CCZ1: variants seen among roughly 807,000 people sequenced by gnomAD.
The protein encoded by CCZ1 is CCZ1 vacuolar protein trafficking and biogenesis associated, also known as vacuolar fusion protein CCZ1 homolog.
Under a neutral mutation model 57.8 loss-of-function variants are expected in CCZ1, and 19 were observed. The observed-to-expected ratio is 0.33, with a 90% CI of 0.23 to 0.48. CCZ1 has a LOEUF of 0.48. Ranked by LOEUF, CCZ1 falls within the 20% of genes least tolerant of loss-of-function variation. The probability of loss-of-function intolerance (pLI) is 0.99; values close to 1 mark genes in which losing one functional copy is unlikely to be tolerated. For synonymous variants in CCZ1, 81 were observed against 167.0 expected (o/e 0.49, Z 3.97); for missense variants, 200 against 492.0 (o/e 0.41, Z 5.61).
At chr7:5,901,917 T>C in intron 5 of CCZ1, 3 of 505,274 alleles carry the variant, frequency 5.9e-6, no homozygotes, top group Admixed American at 3.3e-5. Context: ...CTCAGCCTTA[T>C]AGTAGGAATG....
In CCZ1 at chr7:5,901,833, A is replaced by G. The variant is rs916896994; in HGVS notation, c.438+129A>G. On this transcript the variant is annotated intron_variant, in intron 5 of 14. Coordinates refer to ENST00000325974, the MANE Select transcript of CCZ1 (RefSeq NM_015622.6). ...CTGTATTTGTCTTAGAGAAGAAAATAATGAGGCCTTTGAAACAGGTAGTGA... is the reference window on the plus strand; with the variant it reads ...CTGTATTTGTCTTAGAGAAGAAAATGATGAGGCCTTTGAAACAGGTAGTGA... The G allele has an allele frequency of 3.2e-5, 35 of 1,082,782 alleles. 1 individual carries two copies. The African/African-American group carries it at 5.5e-4, about 17-fold the overall frequency. 67.1% of individuals were successfully genotyped at this position (1,082,782 alleles called of 1,614,324 possible).
intron 6 of CCZ1, among the ~76,000 whole-genome samples, chr7:5,903,927 G>A (rs1473228230): frequency 7.1e-6 from 1 of 141,776 alleles, no homozygotes; most frequent in Non-Finnish European, 1.5e-5. Flanking sequence ...CCCCGGAGGC[G>A]AGGTTGCAGT....
chr7:5,905,032 T>C, intron 6 of CCZ1, 62 bp from the exon 7 acceptor site: 1 of 1,353,642 alleles, frequency 7.4e-7, no homozygotes. Context: ...TTTTCAGTTA[T>C]CAAGGAGCAT....
rs527866183 is a variant in CCZ1 at position 5,900,783 on chromosome 7, T to G, written c.313-72T>G. The G allele has an allele frequency of 8.8e-5, 139 of 1,572,726 alleles. No individual in the cohort carries two copies. In the South Asian group the frequency reaches 1.6e-3, roughly 18 times the overall value. ...TTCTGATGCTGTAGCATGTTCAAAG[T>G]TTTTAAATTAAGGCAAAATAAACAT... On this transcript the variant is annotated intron_variant, in intron 3 of 14. Coordinates refer to ENST00000325974, the MANE Select transcript of CCZ1 (RefSeq NM_015622.6).
At chr7:5,910,983 G>A (rs111413670) in intron 8 of CCZ1, among the ~76,000 whole-genome samples, 6,714 of 147,066 alleles carry the variant, frequency 0.046, 114 homozygotes, top group African/African-American at 0.087. Flanking sequence ...TGATTGACCC[G>A]CCACAGCCTT....
At chr7:5,922,697 G>GA in intron 12 of CCZ1, among the ~76,000 whole-genome samples, 1 of 151,306 alleles carries the variant, frequency 6.6e-6, no homozygotes, top group East Asian at 1.9e-4. Flanking sequence ...GACTGCAGTG[G>GA]AAAAGGCGAC....
chr7:5,910,715 T>TC (rs966043901), intron 8 of CCZ1, among the ~76,000 whole-genome samples: 1 of 29,864 alleles, frequency 3.3e-5, no homozygotes, highest in African/African-American at 1.2e-4. Context: ...ATTTTATTTA[T>TC]TTATTTATTT....
intron 10 of CCZ1, among the ~76,000 whole-genome samples, chr7:5,913,439 G>C (rs755917702): frequency 0.026 from 3,908 of 150,996 alleles, no homozygotes; most frequent in African/African-American, 0.073. Flanking sequence ...GAAAGAAGAC[G>C]GAGCATGTGC....
At chr7:5,920,527 A>C (rs1301415301) in intron 12 of CCZ1, among the ~76,000 whole-genome samples, 14 of 102,748 alleles carry the variant, frequency 1.4e-4, no homozygotes, top group Admixed American at 1.2e-4. Context: ...TGGAGTGTGC[A>C]GTGGCTTGAT....
intron 10 of CCZ1, among the ~76,000 whole-genome samples, chr7:5,914,311 G>GTGT (rs1779107177): frequency 6.7e-6 from 1 of 148,270 alleles, no homozygotes; most frequent in Non-Finnish European, 1.5e-5. Flanking sequence ...CAGTGCTCAT[G>GTGT]TGTAGTCCCA....
chr7:5,901,418 A>G (rs1262822783), intron 4 of CCZ1: 1 of 507,800 alleles, frequency 2.0e-6, no homozygotes, highest in Admixed American at 4.1e-5. Context: ...CGGGGACGCA[A>G]ATGTTGCAGT....
intron 5 of CCZ1, chr7:5,902,105 G>C: frequency 5.1e-6 from 1 of 194,604 alleles, no homozygotes; most frequent in Admixed American, 5.7e-5. Flanking sequence ...ACCAGTCTGG[G>C]CAATATAGCA....
At chr7:5,899,332 G>GTGTGTGT (rs1781623164) in intron 1 of CCZ1, among the ~76,000 whole-genome samples, 62 of 128,912 alleles carry the variant, frequency 4.8e-4, no homozygotes, top group African/African-American at 1.5e-3. Flanking sequence ...TTTCGGGAGG[G>GTGTGTGT]GGGTGTGTGT....
At chr7:5,920,482 T>TTTG (rs1205741730) in intron 12 of CCZ1, among the ~76,000 whole-genome samples, 1 of 130,346 alleles carries the variant, frequency 7.7e-6, no homozygotes, top group East Asian at 2.0e-4. Flanking sequence ...TTTTTTTTTT[T>TTTG]TTTTTGAGAC....
At chr7:5,920,976 C>T (rs145910183) in intron 12 of CCZ1, among the ~76,000 whole-genome samples, 15,497 of 74,790 alleles carry the variant, frequency 0.21, 1,901 homozygotes, top group Admixed American at 0.38. Flanking sequence ...TTTTTTAAGA[C>T]AGAGTCTCAG....
At chr7:5,906,845 GA>G (rs1277858820) in intron 7 of CCZ1, among the ~76,000 whole-genome samples, 2 of 150,480 alleles carry the variant, frequency 1.3e-5, no homozygotes, top group Admixed American at 6.6e-5. Flanking sequence ...GAAGACAACA[GA>G]AATTTCGGGT....
At position 5,920,446 on chromosome 7, in the gene CCZ1, T is replaced by C. The variant is rs938106900; in HGVS notation, c.1106+480T>C. Among the ~76,000 whole-genome samples, 5 of 120,784 alleles carry C rather than the reference T, an allele frequency of 4.1e-5. No homozygotes were observed. In the East Asian group the frequency reaches 6.3e-4, roughly 15 times the overall value. 79.2% of individuals were successfully genotyped at this position (120,784 alleles called of 152,430 possible). On this transcript the variant is annotated intron_variant, in intron 12 of 14. Coordinates refer to ENST00000325974, the MANE Select transcript of CCZ1 (RefSeq NM_015622.6). ...TCCTCCGGCTCTCTAGACACTGAAATGTCCTTGAATTCTTTCTCCCTGGCT... is the reference window on the plus strand; with the variant it reads ...TCCTCCGGCTCTCTAGACACTGAAACGTCCTTGAATTCTTTCTCCCTGGCT...
intron 7 of CCZ1, 46 bp from the exon 8 acceptor site, chr7:5,909,989 G>A (rs765290369): frequency 2.6e-5 from 41 of 1,561,096 alleles, no homozygotes; most frequent in Non-Finnish European, 3.3e-5. Flanking sequence ...TGGAAAGACA[G>A]AAGACAGTTC....
intron 9 of CCZ1, among the ~76,000 whole-genome samples, chr7:5,912,139 G>T (rs1284313784): frequency 1.3e-4 from 18 of 141,364 alleles, no homozygotes; most frequent in African/African-American, 4.6e-4. Context: ...TGTATTTTTA[G>T]TAGAAACAGG....
Sources: gnomAD v4.1 joint callset for allele counts (sites outside exome capture counted in the v4.1 genomes callset) on GRCh38, gnomAD v4.1.1 for gene constraint, MANE v1.5 for transcripts, NCBI Gene and HGNC (gene_info 2026-07-23, HGNC 2026-07-21) for gene names.